CSMD1: variants seen among roughly 807,000 people sequenced by gnomAD.
CSMD1 encodes the protein CUB and Sushi multiple domains 1.
A neutral mutation model predicts 417.5 loss-of-function variants in CSMD1; 213 were observed. That is an observed-to-expected ratio of 0.51 (90% CI 0.46 to 0.57). The LOEUF is 0.57. CSMD1 is among the 20% of genes least tolerant of loss of function. The pLI is 0.00. For missense variants in CSMD1, 6,923 were observed against 4,529.7 expected (o/e 1.53, Z -15.17); for synonymous variants, 2,862 against 1,736.8 (o/e 1.65, Z -16.11).
At chr8:4,736,623 A>C (rs1563253413) in intron 1 of CSMD1, among the ~76,000 whole-genome samples, 1 of 152,212 alleles carries the variant, frequency 6.6e-6, no homozygotes. Context: ...AGGCAGGGAA[A>C]GGCAGTGACA....
At position 3,810,913 on chromosome 8, in the gene CSMD1, C is replaced by T. The variant is rs148971532; in HGVS notation, c.819-56871G>A. Among the ~76,000 whole-genome samples, 373 of 152,240 alleles carry T rather than the reference C, an allele frequency of 2.5e-3. 5 individuals are homozygous for T. The highest frequency in any genetic ancestry group is 8.4e-3 in the African/African-American group (350 of 41,550). On this transcript the variant is annotated intron_variant, in intron 5 of 69. Coordinates refer to ENST00000635120, the MANE Select transcript of CSMD1 (RefSeq NM_033225.6). ...CCCTGAGATGTTGAGAAAAGTGCTT[C>T]CTCATTCAGCCCTTTATCTTTGAAA...
At chr8:4,613,401 T>G (rs1277331920) in intron 2 of CSMD1, among the ~76,000 whole-genome samples, 2 of 152,140 alleles carry the variant, frequency 1.3e-5, no homozygotes, top group African/African-American at 4.8e-5. Flanking sequence ...AATTAGAGCT[T>G]AGGCAAGCTC....
intron 1 of CSMD1, among the ~76,000 whole-genome samples, chr8:4,763,432 C>T (rs1812246853): frequency 6.6e-6 from 1 of 152,094 alleles, no homozygotes; most frequent in African/African-American, 2.4e-5. Context: ...AGGTCACTTA[C>T]AAAGAAGGGT....
chr8:4,387,278 T>G (rs148501652), intron 3 of CSMD1, among the ~76,000 whole-genome samples: 3 of 152,268 alleles, frequency 2.0e-5, no homozygotes, highest in Non-Finnish European at 4.4e-5. Flanking sequence ...AGCAGACTTT[T>G]TAAATTAAGT....
chr8:4,885,960 G>T (rs1036814249), intron 1 of CSMD1, among the ~76,000 whole-genome samples: 8 of 151,112 alleles, frequency 5.3e-5, no homozygotes, highest in Non-Finnish European at 8.8e-5. Context: ...CTTACATTTA[G>T]GTCTCTGATC....
intron 3 of CSMD1, among the ~76,000 whole-genome samples, chr8:4,310,968 G>C (rs1301166892): frequency 1.3e-5 from 2 of 152,190 alleles, no homozygotes; most frequent in Non-Finnish European, 1.5e-5. Flanking sequence ...TCTCCTACCA[G>C]TCGGAATGGC....
intron 3 of CSMD1, among the ~76,000 whole-genome samples, chr8:4,294,871 C>A (rs1005255621): frequency 6.6e-6 from 1 of 151,670 alleles, no homozygotes; most frequent in Admixed American, 6.6e-5. Flanking sequence ...TTTGTCTTTG[C>A]CCTTTTAGTA....
chr8:3,570,566 G>T (rs936161941), intron 10 of CSMD1, among the ~76,000 whole-genome samples: 4 of 152,128 alleles, frequency 2.6e-5, no homozygotes, highest in Admixed American at 6.5e-5. Context: ...CTAGAGAGGG[G>T]GCAGGAAAAA....
chr8:4,583,423 T>C (rs533208293), intron 2 of CSMD1, among the ~76,000 whole-genome samples: 1 of 152,258 alleles, frequency 6.6e-6, no homozygotes, highest in Admixed American at 6.5e-5. Context: ...GCTCAGGGTT[T>C]GTGAGTGCAC....
At position 3,424,968 on chromosome 8, in the gene CSMD1, G is replaced by T. The variant is rs138328629; in HGVS notation, c.1562-15363C>A. Among the ~76,000 whole-genome samples the T allele has an allele frequency of 7.4e-3, 1,126 of 152,164 alleles. 18 individuals carry two copies. The highest frequency in any genetic ancestry group is 0.026 in the African/African-American group (1,059 of 41,514). ...TTCGACCTCAGCCCCTGGAGTGGCT[G>T]GGACAACAGGTACATGCCACCACAC... is the stretch of plus-strand genomic sequence containing the variant. On this transcript the variant is annotated intron_variant, in intron 12 of 69. Transcript: ENST00000635120.
At position 3,401,527 on chromosome 8, in the gene CSMD1, G is replaced by T. The variant is rs143972691; in HGVS notation, c.2267-1998C>A. On this transcript the variant is annotated intron_variant, in intron 15 of 69. Coordinates refer to ENST00000635120, the MANE Select transcript of CSMD1 (RefSeq NM_033225.6). Reference sequence around the variant, plus strand: ...TAATAATGATCTCAGTAAGTAGATTGTAAGTAAGTAAATAGTAAGTAATAA... The same window carrying T: ...TAATAATGATCTCAGTAAGTAGATTTTAAGTAAGTAAATAGTAAGTAATAA... 5.5e-3 allele frequency among the ~76,000 whole-genome samples: 844 copies of T among 152,226 alleles called. 4 individuals carry two copies. The highest frequency in any genetic ancestry group is 0.035 in the East Asian group (182 of 5,168).
intron 3 of CSMD1, among the ~76,000 whole-genome samples, chr8:4,318,990 A>G (rs758136745): frequency 2.4e-4 from 36 of 152,346 alleles, no homozygotes; most frequent in Non-Finnish European, 4.1e-4. Context: ...TCTTCATATT[A>G]AACAGCTTGA....
chr8:4,281,567 G>A (rs1157329072), intron 3 of CSMD1, among the ~76,000 whole-genome samples: 2 of 152,126 alleles, frequency 1.3e-5, no homozygotes, highest in Non-Finnish European at 2.9e-5. Context: ...AAATGAGACT[G>A]TTCTTTTTCT....
chr8:4,944,431 A>G (rs1352085575), intron 1 of CSMD1, among the ~76,000 whole-genome samples: 3 of 152,182 alleles, frequency 2.0e-5, no homozygotes, highest in Non-Finnish European at 4.4e-5. Context: ...ACTTTTTGAG[A>G]TATAATTTTC....
At chr8:2,982,878 T>A (rs1805542523) in intron 54 of CSMD1, among the ~76,000 whole-genome samples, 1 of 152,268 alleles carries the variant, frequency 6.6e-6, no homozygotes, top group Middle Eastern at 3.4e-3. Flanking sequence ...AAGCCACCTG[T>A]CTGCACGCTG....
chr8:4,405,075 C>G (rs963217973), intron 3 of CSMD1, among the ~76,000 whole-genome samples: 5 of 152,210 alleles, frequency 3.3e-5, no homozygotes, highest in African/African-American at 1.2e-4. Flanking sequence ...ATCAATGCTG[C>G]ATCCATGGTA....
intron 1 of CSMD1, among the ~76,000 whole-genome samples, chr8:4,844,186 GA>G (rs34393492): frequency 1.3e-4 from 19 of 151,876 alleles, no homozygotes; most frequent in African/African-American, 2.2e-4. Context: ...CGTAGCACTG[GA>G]AAAAAAAGTG....
intron 3 of CSMD1, among the ~76,000 whole-genome samples, chr8:4,303,117 A>C (rs1798067623): frequency 1.3e-5 from 2 of 152,250 alleles, no homozygotes; most frequent in South Asian, 4.1e-4. Flanking sequence ...AATTAAAATA[A>C]GGACATTATG....
intron 3 of CSMD1, among the ~76,000 whole-genome samples, chr8:4,073,456 T>G (rs1799662511): frequency 6.6e-6 from 1 of 152,156 alleles, no homozygotes; most frequent in South Asian, 2.1e-4. Context: ...CTGTCTTACT[T>G]AGATTCTATT....
Sources: allele counts gnomAD v4.1 joint callset (sites outside exome capture counted in the v4.1 genomes callset), GRCh38; gene constraint gnomAD v4.1.1; transcripts MANE v1.5; gene names NCBI Gene and HGNC (gene_info 2026-07-23, HGNC 2026-07-21).